Variants in ARHGAP10 observed in about 807,000 individuals in gnomAD.
ARHGAP10 encodes the protein rho GTPase-activating protein 10.
A neutral mutation model predicts 108.6 loss-of-function variants in ARHGAP10; 87 were observed. The observed-to-expected ratio is 0.80, with a 90% CI of 0.67 to 0.96. The LOEUF is 0.96. Among genes scored for constraint, ARHGAP10 ranks in the 40% least tolerant of loss-of-function variants. The probability of loss-of-function intolerance (pLI) is 0.00; values close to 1 mark genes in which losing one functional copy is unlikely to be tolerated. For synonymous variants in ARHGAP10, 347 were observed against 341.1 expected (o/e 1.02, Z -0.19); for missense variants, 939 against 954.5 (o/e 0.98, Z 0.21).
chr4:147,743,665 T>A (rs536936559), intron 1 of ARHGAP10, among the ~76,000 whole-genome samples: 3 of 152,244 alleles, frequency 2.0e-5, no homozygotes, highest in Non-Finnish European at 2.9e-5. Context: ...TAATCCCAGC[T>A]ACTCTGGAGG....
chr4:147,736,289 G>A (rs1295994746), intron 1 of ARHGAP10, among the ~76,000 whole-genome samples: 1 of 152,114 alleles, frequency 6.6e-6, no homozygotes, highest in Non-Finnish European at 1.5e-5. Flanking sequence ...TCTAGCCTTG[G>A]CATTTTAATG....
chr4:147,914,554 G>A (rs1443108433), intron 13 of ARHGAP10, among the ~76,000 whole-genome samples: 2 of 113,966 alleles, frequency 1.8e-5, no homozygotes, highest in African/African-American at 4.8e-5. Context: ...CATGTTCTGC[G>A]CTCCCCCCCC....
At chr4:147,772,378 C>T (rs188432593) in intron 1 of ARHGAP10, among the ~76,000 whole-genome samples, 1 of 152,322 alleles carries the variant, frequency 6.6e-6, no homozygotes, top group Admixed American at 6.5e-5. Flanking sequence ...TCTCCTCTCT[C>T]CTCTCTGCAG....
At chr4:147,917,622 TAA>T (rs1327327949) in intron 13 of ARHGAP10, among the ~76,000 whole-genome samples, 1 of 152,222 alleles carries the variant, frequency 6.6e-6, no homozygotes, top group Non-Finnish European at 1.5e-5. Context: ...CATTTTAACT[TAA>T]GAGTTTCAGA....
intron 5 of ARHGAP10, chr4:147,862,810 A>G (rs1734382447): frequency 6.6e-6 from 1 of 152,236 alleles, no homozygotes; most frequent in Non-Finnish European, 1.5e-5. Flanking sequence ...GTAATAACAA[A>G]TGAGGAAATC....
chr4:148,040,599 C>T (rs943133066), intron 19 of ARHGAP10, among the ~76,000 whole-genome samples: 3 of 152,072 alleles, frequency 2.0e-5, no homozygotes, highest in African/African-American at 7.2e-5. Context: ...GCCTCGGCCT[C>T]CCAAAGTGCT....
At chr4:147,735,634 G>A (rs1377125797) in intron 1 of ARHGAP10, among the ~76,000 whole-genome samples, 1 of 152,188 alleles carries the variant, frequency 6.6e-6, no homozygotes, top group African/African-American at 2.4e-5. Context: ...TTCAGCAGAA[G>A]GCTGACATAA....
chr4:147,814,111 T>C (rs531402209), intron 1 of ARHGAP10, among the ~76,000 whole-genome samples: 22 of 152,310 alleles, frequency 1.4e-4, no homozygotes, highest in Non-Finnish European at 2.5e-4. Context: ...ATCTAGGGCA[T>C]GGACTCCTTA....
intron 18 of ARHGAP10, among the ~76,000 whole-genome samples, chr4:148,009,393 A>G (rs573630023): frequency 8.5e-5 from 13 of 152,326 alleles, no homozygotes; most frequent in African/African-American, 2.9e-4. Context: ...TGGCTTCCCA[A>G]AGTGCTGGGA....
At chr4:148,002,483 G>T (rs1740760795) in intron 18 of ARHGAP10, among the ~76,000 whole-genome samples, 1 of 152,212 alleles carries the variant, frequency 6.6e-6, no homozygotes, top group African/African-American at 2.4e-5. Context: ...GTTTCAGAAG[G>T]AATGGTACCA....
At position 147,742,476 on chromosome 4, in the gene ARHGAP10, CTTTTTTTTTT is replaced by C. The variant is rs11420720; in HGVS notation, c.154+10036_154+10045del. Reference sequence around the variant, plus strand: ...TTACAGGAGAAATAGTCTGTGAACACTTTTTTTTTTTTTTTTTTTTTTTTGAGATGGAGTC... The same window carrying C: ...TTACAGGAGAAATAGTCTGTGAACACTTTTTTTTTTTTTTGAGATGGAGTC... On this transcript the variant is annotated intron_variant, in intron 1 of 22. Coordinates refer to ENST00000336498, the MANE Select transcript of ARHGAP10 (RefSeq NM_024605.4). 6.5e-4 allele frequency among the ~76,000 whole-genome samples: 56 copies of C among 86,532 alleles called. 2 individuals carry two copies. Among genetic ancestry groups the C allele is most frequent in the African/African-American group, 2.2e-3 (44 of 20,048 alleles). 56.8% of individuals were successfully genotyped at this position (86,532 alleles called of 152,430 possible).
intron 22 of ARHGAP10, among the ~76,000 whole-genome samples, chr4:148,065,910 C>T (rs12649972): frequency 0.7 from 104,398 of 149,030 alleles, 37,157 homozygotes; most frequent in East Asian, 0.84. Context: ...ACTGCAGAGG[C>T]TGAGGCAGGA....
At chr4:147,764,336 C>T (rs1729706565) in intron 1 of ARHGAP10, among the ~76,000 whole-genome samples, 1 of 151,980 alleles carries the variant, frequency 6.6e-6, no homozygotes, top group Admixed American at 6.6e-5. Context: ...AGACCCTAGT[C>T]TGAGCTTGCC....
chr4:148,060,038 C>T (rs1002089272), intron 20 of ARHGAP10, among the ~76,000 whole-genome samples: 13 of 122,778 alleles, frequency 1.1e-4, no homozygotes, highest in South Asian at 8.0e-4. Context: ...GAGAGAGAGA[C>T]GAGAGACAGA....
At position 148,041,985 on chromosome 4, in the gene ARHGAP10, CT is replaced by C. The variant is rs376913743; in HGVS notation, c.1868-4904del. Among the ~76,000 whole-genome samples, 83 of 152,304 alleles carry C rather than the reference CT, an allele frequency of 5.4e-4. No individual in the cohort carries two copies. In the East Asian group the frequency reaches 0.01, roughly 18 times the overall value. On this transcript the variant is annotated intron_variant, in intron 19 of 22. Coordinates refer to ENST00000336498, the MANE Select transcript of ARHGAP10 (RefSeq NM_024605.4). The stretch of plus-strand genomic sequence containing the variant: ...TGTGACTTCAACTCTCTGTGCGTGA[CT>C]TTCAGATCAATAAAACTATCCCAGG...
At position 147,876,170 on chromosome 4, in the gene ARHGAP10, T is replaced by C. The variant is rs1735050075; in HGVS notation, c.832+1020T>C. On this transcript the variant is annotated intron_variant, in intron 8 of 22. Coordinates refer to ENST00000336498, the MANE Select transcript of ARHGAP10 (RefSeq NM_024605.4). ...GTTGTGCCTTTTCCATTTGCCCTTA[T>C]TTAATCTGGAATCTCGCAGCCTTCA... Among the ~76,000 whole-genome samples the C allele has an allele frequency of 2.0e-5, 3 of 152,352 alleles. No individual in the cohort carries two copies. The South Asian group carries it at 6.2e-4, about 32-fold the overall frequency.
intron 1 of ARHGAP10, among the ~76,000 whole-genome samples, chr4:147,740,047 CTTTTTTTT>C (rs59246980): frequency 2.5e-5 from 3 of 118,904 alleles, no homozygotes; most frequent in Non-Finnish European, 3.5e-5. Flanking sequence ...TACTGGGTTA[CTTTTTTTT>C]TTTTTTTTTT....
chr4:147,866,632 G>A, intron 6 of ARHGAP10, 80 bp from the exon 7 acceptor site: 1 of 978,890 alleles, frequency 1.0e-6, no homozygotes, highest in African/African-American at 1.6e-5. Context: ...GATGGCGGGG[G>A]GAACACTTGG....
intron 10 of ARHGAP10, among the ~76,000 whole-genome samples, chr4:147,893,840 A>G (rs927358048): frequency 6.6e-6 from 1 of 152,086 alleles, no homozygotes; most frequent in African/African-American, 2.4e-5. Flanking sequence ...AGTGGGTAGA[A>G]TTAGAAACAG....
Sources: allele counts gnomAD v4.1 joint callset (sites outside exome capture counted in the v4.1 genomes callset), GRCh38; gene constraint gnomAD v4.1.1; transcripts MANE v1.5; gene names NCBI Gene and HGNC (gene_info 2026-07-23, HGNC 2026-07-21).